TNNI3K: variants seen among roughly 807,000 people sequenced by gnomAD.
TNNI3K encodes TNNI3 interacting kinase, also known as serine/threonine-protein kinase TNNI3K.
Under a neutral mutation model 114.5 loss-of-function variants are expected in TNNI3K, and 140 were observed. The ratio of observed to expected loss-of-function variants is 1.22; its 90% CI spans 1.07 to 1.41. TNNI3K has a LOEUF of 1.41. TNNI3K is among the 40% of genes most tolerant of loss of function. The pLI is 0.00. For missense variants in TNNI3K, 1,125 were observed against 1,007.6 expected, an observed-to-expected ratio of 1.12 and a Z score of -1.58; for synonymous variants, 347 against 347.5, an observed-to-expected ratio of 1.00 and a Z score of 0.02.
At chr1:74,391,052 C>A (rs72673296) in intron 17 of TNNI3K, among the ~76,000 whole-genome samples, 12,669 of 150,898 alleles carry the variant, frequency 0.084, 558 homozygotes, top group Non-Finnish European at 0.1. Flanking sequence ...GCAAAAGCCA[C>A]AACATGTATG....
chr1:74,250,759 C>A lies in TNNI3K; in HGVS notation c.323C>A (p.Ala108Glu). The A allele has an allele frequency of 1.2e-6, 2 of 1,610,780 alleles. No homozygotes were observed. Among genetic ancestry groups the A allele is most frequent in the South Asian group, 1.1e-5 (1 of 90,646 alleles). ...TRNGFTALHL[A>E]VYKDNAELIT... ...AATGGATTTACAGCCTTGCATTTAG[C>A]AGTTTACAAGGTAGGACACTTTAAT... Residue 108 changes from alanine (A) to glutamate (E), a missense_variant, in exon 4 of 25, where the codon GCA (alanine) becomes GAA (glutamate). Coordinates refer to ENST00000326637, the MANE Select transcript of TNNI3K (RefSeq NM_015978.3).
chr1:74,275,814 AAC>A, intron 5 of TNNI3K, among the ~76,000 whole-genome samples: 1 of 152,076 alleles, frequency 6.6e-6, no homozygotes, highest in East Asian at 1.9e-4. Flanking sequence ...TACAATGTAT[AAC>A]ACAATTTCTG....
At chr1:74,464,900 G>C in intron 21 of TNNI3K, 3 of 1,294,954 alleles carry the variant, frequency 2.3e-6, no homozygotes, top group Middle Eastern at 5.0e-4. Context: ...AAGAATGTTT[G>C]TTGAGTAAAT....
At chr1:74,236,270 T>C in intron 2 of TNNI3K, 60 bp downstream of exon 2, 1 of 1,431,648 alleles carries the variant, frequency 7.0e-7, no homozygotes, top group Non-Finnish European at 9.6e-7. Context: ...ACCTTATTTT[T>C]TAAAGTATCT....
chr1:74,445,603 C>CTTTTTTTTTTTT (rs1234823064), intron 20 of TNNI3K, among the ~76,000 whole-genome samples: 1 of 131,148 alleles, frequency 7.6e-6, no homozygotes, highest in African/African-American at 3.1e-5. Flanking sequence ...TCCACATTTT[C>CTTTTTTTTTTTT]TTTTTTTTCT....
intron 6 of TNNI3K, among the ~76,000 whole-genome samples, chr1:74,334,087 A>G (rs1660348185): frequency 6.6e-6 from 1 of 152,238 alleles, no homozygotes; most frequent in South Asian, 2.1e-4. Context: ...GCGATGACTT[A>G]TTTAATCCTC....
intron 2 of TNNI3K, among the ~76,000 whole-genome samples, chr1:74,238,257 G>A (rs1653980189): frequency 6.6e-6 from 1 of 151,938 alleles, no homozygotes; most frequent in African/African-American, 2.4e-5. Context: ...TTTAAATACA[G>A]CTTCTTCTAT....
intron 17 of TNNI3K, among the ~76,000 whole-genome samples, chr1:74,382,863 T>TA (rs1214347343): frequency 6.6e-6 from 1 of 152,160 alleles, no homozygotes; most frequent in Admixed American, 6.6e-5. Context: ...TCTAAATTCT[T>TA]AAAATAGAGT....
intron 21 of TNNI3K, among the ~76,000 whole-genome samples, chr1:74,472,388 A>G (rs149726261): frequency 2.0e-5 from 3 of 152,228 alleles, no homozygotes; most frequent in African/African-American, 7.2e-5. Context: ...TTGCAATGAC[A>G]CTCTTTATGG....
At chr1:74,510,113 G>A (rs1399462854) in intron 23 of TNNI3K, among the ~76,000 whole-genome samples, 1 of 151,962 alleles carries the variant, frequency 6.6e-6, no homozygotes, top group Non-Finnish European at 1.5e-5. Flanking sequence ...AGACAGTTCT[G>A]AGTTTAAACA....
Position 74,369,556 on chromosome 1 carries a change from T to C in TNNI3K, c.1638T>C (p.Ser546=). Residue 546 remains serine, a synonymous_variant, in exon 16 of 25, where the codon TCT becomes TCC. Coordinates refer to ENST00000326637, the MANE Select transcript of TNNI3K (RefSeq NM_015978.3). Reference sequence around the variant, plus strand: ...TCACTCAATACATATCAGGGGGTTCTCTGTTCTCCCTCCTTCATGAGCAGA... The same window carrying C: ...TCACTCAATACATATCAGGGGGTTCCCTGTTCTCCCTCCTTCATGAGCAGA... ...AIVTQYISGG[S]LFSLLHEQKR... is the part of the protein sequence containing the mutation. 6.2e-7 allele frequency: 1 copy of C among 1,610,952 alleles called. No individual in the cohort carries two copies. Among genetic ancestry groups the C allele is most frequent in the East Asian group, 2.2e-5 (1 of 44,806 alleles).
At chr1:74,335,876 C>G in intron 6 of TNNI3K, 135 bp from the exon 7 acceptor site, 1 of 878,728 alleles carries the variant, frequency 1.1e-6, no homozygotes, top group Non-Finnish European at 1.6e-6. Flanking sequence ...AGAATTGTTC[C>G]AGTTTTGGAC....
intron 23 of TNNI3K, among the ~76,000 whole-genome samples, chr1:74,514,188 CTTGT>C (rs1387112918): frequency 6.6e-6 from 1 of 152,140 alleles, no homozygotes; most frequent in Non-Finnish European, 1.5e-5. Context: ...CATTTATGTC[CTTGT>C]TTATTTTCAC....
chr1:74,260,781 G>A (rs997172283), intron 4 of TNNI3K, among the ~76,000 whole-genome samples: 4 of 151,862 alleles, frequency 2.6e-5, no homozygotes, highest in African/African-American at 4.8e-5. Context: ...AAAAGAAATG[G>A]CATCTATACT....
At chr1:74,241,307 G>T (rs1035073529) in intron 2 of TNNI3K, among the ~76,000 whole-genome samples, 2 of 152,206 alleles carry the variant, frequency 1.3e-5, no homozygotes, top group African/African-American at 2.4e-5. Flanking sequence ...TAATGGGATG[G>T]CTGAGTCAAA....
chr1:74,500,929 T>A lies in TNNI3K; in HGVS notation c.2351+8663T>A, dbSNP rs540702938. ...TCTTTGGTATCCTACAGTTTAATTA[T>A]GTTGTGTATAGATATAAATTTATGT... is the stretch of plus-strand genomic sequence containing the variant. On this transcript the variant is annotated intron_variant, in intron 23 of 24. Coordinates refer to ENST00000326637, the MANE Select transcript of TNNI3K (RefSeq NM_015978.3). Among the ~76,000 whole-genome samples, 11 of 152,228 alleles carry A rather than the reference T, an allele frequency of 7.2e-5. 1 individual carries two copies. The South Asian group carries it at 1.9e-3, about 26-fold the overall frequency.
chr1:74,388,933 T>C (rs542646558), intron 17 of TNNI3K, among the ~76,000 whole-genome samples: 5 of 152,322 alleles, frequency 3.3e-5, no homozygotes, highest in African/African-American at 1.2e-4. Flanking sequence ...TTGTGCACCA[T>C]CTGTGACATT....
chr1:74,304,291 G>A (rs1355389006), intron 5 of TNNI3K, among the ~76,000 whole-genome samples: 1 of 152,164 alleles, frequency 6.6e-6, no homozygotes, highest in Non-Finnish European at 1.5e-5. Context: ...CTTATTTTAA[G>A]AAGTTTCCAA....
chr1:74,437,449 C>A (rs546490262), intron 19 of TNNI3K, among the ~76,000 whole-genome samples: 1 of 151,836 alleles, frequency 6.6e-6, no homozygotes, highest in African/African-American at 2.4e-5. Flanking sequence ...AAAATAAAAG[C>A]AGAGTAAATG....
Sources: allele counts gnomAD v4.1 joint callset (sites outside exome capture counted in the v4.1 genomes callset), GRCh38; gene constraint gnomAD v4.1.1; transcripts MANE v1.5; gene names NCBI Gene and HGNC (gene_info 2026-07-23, HGNC 2026-07-21).